Variants in FAM167A observed in about 807,000 individuals in gnomAD.
The protein encoded by FAM167A is protein FAM167A.
FAM167A carries 23 observed loss-of-function variants against 14.9 expected under a neutral mutation model. The observed-to-expected ratio is 1.55, with a 90% CI of 1.11 to 2.19. The LOEUF (loss-of-function observed/expected upper bound fraction) is 2.19. FAM167A is among the 30% of genes most tolerant of loss of function. The pLI is 0.00. For missense variants in FAM167A, 401 were observed against 281.5 expected (o/e 1.42, Z -3.04); for synonymous variants, 174 against 117.7 (o/e 1.48, Z -3.10).
At chr8:11,468,748 C>G (rs1007899842), upstream of FAM167A, among the ~76,000 whole-genome samples, 1 of 152,252 alleles carries the variant, frequency 6.6e-6, no homozygotes, top group African/African-American at 2.4e-5. Flanking sequence ...TCCTGGCTCC[C>G]TGTTTGACCT....
In FAM167A at chr8:11,444,940, G is replaced by A. The variant is rs563489870; in HGVS notation, c.-397-132C>T. 2.9e-5 allele frequency: 22 copies of A among 767,470 alleles called. No individual in the cohort carries two copies. In the African/African-American group the frequency reaches 4.1e-4, roughly 14 times the overall value. The allele number at this position is 767,470 out of a possible 1,614,324, so 47.5% of individuals were successfully genotyped here. ...GGCTGCGCTTCTCATGGCTAGTCCG[G>A]GACGGAAGTGAGATCATTTTAATGC... On this transcript the variant is annotated intron_variant, in intron 1 of 2. Transcript: ENST00000284486.
chr8:11,457,372 C>T (rs1807377306), intron 1 of FAM167A, among the ~76,000 whole-genome samples: 1 of 151,940 alleles, frequency 6.6e-6, no homozygotes, highest in African/African-American at 2.4e-5. Flanking sequence ...TGCTGTGCCA[C>T]AATGTCATAT....
upstream of FAM167A, among the ~76,000 whole-genome samples, chr8:11,470,119 A>C (rs141916562): frequency 6.6e-6 from 1 of 152,228 alleles, no homozygotes. Context: ...ACGATGACCG[A>C]CAAATACGCT....
chr8:11,431,764 G>A (rs187300218), intron 2 of FAM167A, among the ~76,000 whole-genome samples: 14 of 152,002 alleles, frequency 9.2e-5, no homozygotes, highest in Non-Finnish European at 1.3e-4. Flanking sequence ...TGGTCTCAGT[G>A]ATGTTGTCTC....
intron 2 of FAM167A, among the ~76,000 whole-genome samples, chr8:11,435,887 C>G (rs1310408179): frequency 6.6e-6 from 1 of 152,330 alleles, no homozygotes; most frequent in African/African-American, 2.4e-5. Flanking sequence ...ACATCGAGTT[C>G]CGGAATTACT....
chr8:11,470,437 G>A (rs765362326), upstream of FAM167A, among the ~76,000 whole-genome samples: 1 of 152,208 alleles, frequency 6.6e-6, no homozygotes, highest in East Asian at 1.9e-4. Flanking sequence ...GTAGAGCATG[G>A]GTGGGAGATG....
chr8:11,430,874 G>C (rs949616326), intron 2 of FAM167A, among the ~76,000 whole-genome samples: 2 of 151,974 alleles, frequency 1.3e-5, no homozygotes, highest in African/African-American at 4.9e-5. Context: ...AATGCATCAA[G>C]CCAGTGGTTT....
At chr8:11,452,989 C>G (rs11250137) in intron 1 of FAM167A, among the ~76,000 whole-genome samples, 97,185 of 151,940 alleles carry the variant, frequency 0.64, 31,804 homozygotes, top group Non-Finnish European at 0.72. Flanking sequence ...TGATCTCCCC[C>G]CTCTGTCCCC....
At position 11,422,498 on chromosome 8, in the gene FAM167A, G is replaced by C. The variant is rs534977056; in HGVS notation, c.*1875C>G. The stretch of plus-strand genomic sequence containing the variant: ...CTTGGCAGTGTTTGTGCAGAGCTCT[G>C]AGGAAGGACAGCAGTACATGGTCCT... On this transcript the variant is annotated 3_prime_UTR_variant, in exon 3 of 3. Transcript: ENST00000284486. 8 of 152,682 alleles carry C rather than the reference G, an allele frequency of 5.2e-5. No homozygotes were observed. Among genetic ancestry groups the C allele is most frequent in the African/African-American group, 1.4e-4 (6 of 41,506 alleles). 9.5% of individuals were successfully genotyped at this position (152,682 alleles called of 1,614,324 possible). A position where few individuals can be genotyped will look rare whatever the true frequency, so the allele number is the denominator to read the frequency against.
At chr8:11,434,254 G>A (rs1372883669) in intron 2 of FAM167A, 1 of 152,278 alleles carries the variant, frequency 6.6e-6, no homozygotes, top group African/African-American at 2.4e-5. Flanking sequence ...GCGAGCCGAG[G>A]CCGCACTCAC....
chr8:11,444,853 C>A, intron 1 of FAM167A, 45 bp from the exon 2 acceptor site: 1 of 990,716 alleles, frequency 1.0e-6, no homozygotes, highest in Non-Finnish European at 1.2e-6. Context: ...CCCTGCCCTG[C>A]CACTCAGAGG....
In FAM167A at chr8:11,462,255, C is replaced by T. The variant is rs146047034; in HGVS notation, c.-398+4371G>A. Among the ~76,000 whole-genome samples the T allele has an allele frequency of 2.2e-4, 34 of 152,230 alleles. 1 individual carries two copies. Among genetic ancestry groups the T allele is most frequent in the African/African-American group, 6.5e-4 (27 of 41,542 alleles). On this transcript the variant is annotated intron_variant, in intron 1 of 2. Coordinates refer to ENST00000284486, the MANE Select transcript of FAM167A (RefSeq NM_053279.3). The stretch of plus-strand genomic sequence containing the variant: ...GTTAGAACAGGGCAGAGCCGGGTGT[C>T]GGGGGACGTGGGTTGGTTGACAGCC...
At chr8:11,442,386 C>G (rs1459947951) in intron 2 of FAM167A, among the ~76,000 whole-genome samples, 1 of 152,110 alleles carries the variant, frequency 6.6e-6, no homozygotes, top group African/African-American at 2.4e-5. Context: ...AAAAGCTCCC[C>G]AGGTGGTTAC....
chr8:11,428,916 C>A (rs764999042), intron 2 of FAM167A, among the ~76,000 whole-genome samples: 1 of 152,158 alleles, frequency 6.6e-6, no homozygotes, highest in Non-Finnish European at 1.5e-5. Flanking sequence ...GCAAAATGTG[C>A]AAGAATAAGA....
At chr8:11,440,259 C>T (rs1157714700) in intron 2 of FAM167A, among the ~76,000 whole-genome samples, 1 of 152,218 alleles carries the variant, frequency 6.6e-6, no homozygotes, top group Non-Finnish European at 1.5e-5. Flanking sequence ...CCCCGGGGAG[C>T]CCAAGGTCAG....
chr8:11,435,902 C>T (rs1805972619), intron 2 of FAM167A, among the ~76,000 whole-genome samples: 1 of 152,224 alleles, frequency 6.6e-6, no homozygotes, highest in South Asian at 2.1e-4. Context: ...ATTACTAGTT[C>T]CACCATATCC....
chr8:11,461,218 G>A (rs1222759854), intron 1 of FAM167A, among the ~76,000 whole-genome samples: 1 of 152,238 alleles, frequency 6.6e-6, no homozygotes, highest in Non-Finnish European at 1.5e-5. Flanking sequence ...CAAGGCTGCG[G>A]GGCTCTGGGA....
At chr8:11,429,660 T>A (rs1248172523) in intron 2 of FAM167A, among the ~76,000 whole-genome samples, 1 of 152,204 alleles carries the variant, frequency 6.6e-6, no homozygotes, top group African/African-American at 2.4e-5. Context: ...CTCGGGCCTG[T>A]CAGCACCCAG....
At chr8:11,446,772 A>T (rs1806802686) in intron 1 of FAM167A, among the ~76,000 whole-genome samples, 1 of 152,222 alleles carries the variant, frequency 6.6e-6, no homozygotes, top group African/African-American at 2.4e-5. Flanking sequence ...CACGGTCAGA[A>T]TCTGTCCAAA....
Sources: allele counts gnomAD v4.1 joint callset (sites outside exome capture counted in the v4.1 genomes callset), GRCh38; gene constraint gnomAD v4.1.1; transcripts MANE v1.5; gene names NCBI Gene and HGNC (gene_info 2026-07-23, HGNC 2026-07-21).